ROBO2: variants seen among roughly 807,000 people sequenced by gnomAD.
ROBO2 encodes roundabout homolog 2.
In ROBO2, 53 loss-of-function variants were observed where a neutral mutation model predicts 160.8. The observed-to-expected ratio is 0.33, with a 90% CI of 0.26 to 0.41. The LOEUF is 0.41. Among genes scored for constraint, ROBO2 ranks in the 10% least tolerant of loss-of-function variants. The pLI is 1.00. For missense variants in ROBO2, 1,577 were observed against 1,722.4 expected (o/e 0.92, Z 1.49); for synonymous variants, 664 against 611.7 (o/e 1.09, Z -1.26).
intron 5 of ROBO2, among the ~76,000 whole-genome samples, chr3:77,512,133 G>A (rs564443975): frequency 2.0e-5 from 3 of 152,024 alleles, no homozygotes; most frequent in Admixed American, 6.6e-5. Context: ...TATTGTGTTC[G>A]TTTTGGGGTC....
At chr3:76,303,393 T>C (rs540080873) in intron 2 of ROBO2, among the ~76,000 whole-genome samples, 64 of 152,202 alleles carry the variant, frequency 4.2e-4, no homozygotes, top group African/African-American at 1.5e-3. Context: ...AGGTGCTATA[T>C]AGCAAACCCA....
At chr3:77,574,650 A>C in exon 14 of ROBO2, 1 of 1,613,414 alleles carries the variant, frequency 6.2e-7, no homozygotes, top group Non-Finnish European at 8.5e-7. Flanking sequence ...GGGGTGACTT[A>C]TGAAATTAAA....
intron 2 of ROBO2, among the ~76,000 whole-genome samples, chr3:76,983,676 G>C (rs2060217884): frequency 6.6e-6 from 1 of 152,016 alleles, no homozygotes; most frequent in Non-Finnish European, 1.5e-5. Context: ...AACTTACAAA[G>C]TACCTATTAT....
chr3:76,393,155 C>T (rs1417032341), intron 2 of ROBO2, among the ~76,000 whole-genome samples: 1 of 152,062 alleles, frequency 6.6e-6, no homozygotes, highest in Non-Finnish European at 1.5e-5. Flanking sequence ...ATCATGGGAG[C>T]TTGTTAAAAA....
chr3:77,504,796 A>G (rs867992280), intron 5 of ROBO2, among the ~76,000 whole-genome samples: 1 of 152,224 alleles, frequency 6.6e-6, no homozygotes, highest in Non-Finnish European at 1.5e-5. Flanking sequence ...TGAGATATGC[A>G]TAACATTATT....
intron 2 of ROBO2, among the ~76,000 whole-genome samples, chr3:76,700,486 G>A (rs2093024838): frequency 6.6e-6 from 1 of 152,050 alleles, no homozygotes. Flanking sequence ...TTTTAACTCT[G>A]TACTCATCTG....
At chr3:77,494,230 C>T (rs1027808894) in intron 5 of ROBO2, among the ~76,000 whole-genome samples, 4 of 152,096 alleles carry the variant, frequency 2.6e-5, no homozygotes, top group Non-Finnish European at 5.9e-5. Context: ...TCTCCAATTA[C>T]TGCCTGCATA....
At chr3:76,650,934 G>C (rs925388363) in intron 2 of ROBO2, among the ~76,000 whole-genome samples, 1 of 152,134 alleles carries the variant, frequency 6.6e-6, no homozygotes, top group Non-Finnish European at 1.5e-5. Context: ...AAATTTAACT[G>C]TTAAAAGACC....
chr3:76,985,405 A>C (rs1327309167), intron 2 of ROBO2, among the ~76,000 whole-genome samples: 1 of 151,476 alleles, frequency 6.6e-6, no homozygotes, highest in Non-Finnish European at 1.5e-5. Flanking sequence ...ACACGGTGAA[A>C]CCCCATCTCT....
intron 2 of ROBO2, among the ~76,000 whole-genome samples, chr3:76,633,740 A>G (rs1311268654): frequency 2.0e-5 from 3 of 152,236 alleles, no homozygotes; most frequent in Non-Finnish European, 4.4e-5. Context: ...TATGACGTAG[A>G]TACAATTATT....
At chr3:76,527,721 CAT>C (rs1487242112) in intron 2 of ROBO2, among the ~76,000 whole-genome samples, 1 of 151,860 alleles carries the variant, frequency 6.6e-6, no homozygotes, top group Non-Finnish European at 1.5e-5. Context: ...ATAAGGAAAA[CAT>C]ATAGCACATT....
At chr3:76,616,503 T>TC (rs1412306330) in intron 2 of ROBO2, among the ~76,000 whole-genome samples, 7 of 152,316 alleles carry the variant, frequency 4.6e-5, no homozygotes, top group Admixed American at 2.6e-4. Flanking sequence ...GCATTTTTTT[T>TC]CTGAGATTTC....
At chr3:76,275,189 A>G (rs1333300014) in intron 2 of ROBO2, among the ~76,000 whole-genome samples, 2 of 152,166 alleles carry the variant, frequency 1.3e-5, no homozygotes, top group African/African-American at 4.8e-5. Flanking sequence ...GGTGAATTCA[A>G]ATACATCTAT....
At chr3:76,316,570 CAT>C (rs1454144769) in intron 2 of ROBO2, among the ~76,000 whole-genome samples, 3 of 152,256 alleles carry the variant, frequency 2.0e-5, no homozygotes, top group African/African-American at 4.8e-5. Flanking sequence ...TTGAAACACA[CAT>C]GTTTTACAAT....
intron 2 of ROBO2, among the ~76,000 whole-genome samples, chr3:77,127,646 A>G (rs2075463085): frequency 6.6e-6 from 1 of 152,222 alleles, no homozygotes; most frequent in African/African-American, 2.4e-5. Context: ...AACTTAAAAA[A>G]GGTGTTCTTT....
At chr3:76,527,813 G>C (rs2082025507) in intron 2 of ROBO2, among the ~76,000 whole-genome samples, 1 of 152,170 alleles carries the variant, frequency 6.6e-6, no homozygotes, top group South Asian at 2.1e-4. Context: ...AAGATGGTCA[G>C]GAAAGGATTC....
At chr3:76,073,776 T>C (rs1330021294) in intron 2 of ROBO2, among the ~76,000 whole-genome samples, 1 of 109,970 alleles carries the variant, frequency 9.1e-6, no homozygotes, top group African/African-American at 4.1e-5. Context: ...TAAGAGTCTT[T>C]GTATCTTACC....
chr3:77,281,098 T>G (rs1339005252), intron 2 of ROBO2, among the ~76,000 whole-genome samples: 1 of 152,166 alleles, frequency 6.6e-6, no homozygotes, highest in African/African-American at 2.4e-5. Context: ...AGAAAGGCCT[T>G]ATGAGCCACG....
At chr3:76,841,929 G>A (rs1029297697) in intron 2 of ROBO2, among the ~76,000 whole-genome samples, 4 of 152,152 alleles carry the variant, frequency 2.6e-5, no homozygotes, top group Non-Finnish European at 2.9e-5. Context: ...TCTGTCAACA[G>A]GGAGACCAGC....
Sources: gnomAD v4.1 joint callset for allele counts (sites outside exome capture counted in the v4.1 genomes callset) on GRCh38, gnomAD v4.1.1 for gene constraint, MANE v1.5 for transcripts, NCBI Gene and HGNC (gene_info 2026-07-23, HGNC 2026-07-21) for gene names.